The following C2orf76 variants were observed in gnomAD, a reference collection of about 807,000 sequenced individuals.
C2orf76 encodes UPF0538 protein C2orf76.
A neutral mutation model predicts 16.9 loss-of-function variants in C2orf76; 23 were observed. The ratio of observed to expected loss-of-function variants is 1.36; its 90% confidence interval spans 0.98 to 1.93. The LOEUF (loss-of-function observed/expected upper bound fraction) is 1.93, where lower values mean the gene tolerates loss of function less well. Ranked by LOEUF, C2orf76 falls within the 30% of genes most tolerant of loss-of-function variation. The pLI is 0.00. For missense variants in C2orf76, 152 were observed against 152.6 expected, an observed-to-expected ratio of 1.00 and a Z score of 0.02; for synonymous variants, 48 against 52.3, an observed-to-expected ratio of 0.92 and a Z score of 0.35.
At chr2:119,333,672 T>C (rs1679746390) in intron 2 of C2orf76, among the ~76,000 whole-genome samples, 1 of 152,226 alleles carries the variant, frequency 6.6e-6, no homozygotes, top group Non-Finnish European at 1.5e-5. Context: ...ATCACAAAAG[T>C]GGTACATATA....
rs78374691 is a variant in C2orf76 at position 119,329,135 on chromosome 2, T to G, written c.134-7931A>C. 3.9e-5 allele frequency among the ~76,000 whole-genome samples: 6 copies of G among 152,352 alleles called. No individual in the cohort carries two copies. In the East Asian group the frequency reaches 1.2e-3, roughly 29 times the overall value. On this transcript the variant is annotated intron_variant, in intron 2 of 5. Coordinates refer to ENST00000334816, the MANE Select transcript of C2orf76 (RefSeq NM_001322331.2). ...TAGTGTTTTTAAGTTCTCTTGATCC[T>G]TACTGATTTTCTATTTGTTCCATTC... is the stretch of plus-strand genomic sequence containing the variant.
intron 2 of C2orf76, chr2:119,338,729 G>A (rs1679929919): frequency 6.6e-6 from 1 of 152,226 alleles, no homozygotes; most frequent in African/African-American, 2.4e-5. Flanking sequence ...TCAGGCTTTG[G>A]CAGGACAAGA....
intron 4 of C2orf76, 70 bp downstream of exon 4, chr2:119,317,396 T>C: frequency 8.7e-7 from 1 of 1,145,124 alleles, no homozygotes; most frequent in Non-Finnish European, 1.2e-6. Flanking sequence ...ATGTATTCAT[T>C]CACTTATTCA....
intron 1 of C2orf76, among the ~76,000 whole-genome samples, chr2:119,356,181 T>C: frequency 6.6e-6 from 1 of 152,032 alleles, no homozygotes; most frequent in South Asian, 2.1e-4. Flanking sequence ...GGTGGGCAGA[T>C]CACTTGAGGT....
chr2:119,357,404 T>C (rs56386883), intron 1 of C2orf76, among the ~76,000 whole-genome samples: 12,356 of 152,112 alleles, frequency 0.081, 628 homozygotes, highest in African/African-American at 0.13. Flanking sequence ...AGTTTAATAT[T>C]TGAAAAGCAA....
chr2:119,315,537 A>G (rs1181569279), intron 4 of C2orf76, among the ~76,000 whole-genome samples: 1 of 152,208 alleles, frequency 6.6e-6, no homozygotes, highest in Non-Finnish European at 1.5e-5. Flanking sequence ...TGTGAACTGG[A>G]TAAGGCACAA....
At chr2:119,316,673 A>C (rs1334045207) in intron 4 of C2orf76, among the ~76,000 whole-genome samples, 3 of 152,176 alleles carry the variant, frequency 2.0e-5, no homozygotes, top group Admixed American at 6.5e-5. Context: ...TCATTCAAAA[A>C]TTGTTATGGA....
At chr2:119,356,384 G>C (rs375625907) in intron 1 of C2orf76, among the ~76,000 whole-genome samples, 8 of 139,402 alleles carry the variant, frequency 5.7e-5, no homozygotes, top group Non-Finnish European at 6.1e-5. Context: ...GTGACAGAGC[G>C]AGACTCTGTC....
At chr2:119,335,505 A>G (rs1470573499) in intron 2 of C2orf76, among the ~76,000 whole-genome samples, 1 of 152,232 alleles carries the variant, frequency 6.6e-6, no homozygotes, top group Non-Finnish European at 1.5e-5. Flanking sequence ...AGGCAATTGA[A>G]AGAGCTCCCA....
chr2:119,307,090 C>G (rs915834150), intron 5 of C2orf76, among the ~76,000 whole-genome samples: 1 of 151,930 alleles, frequency 6.6e-6, no homozygotes, highest in African/African-American at 2.4e-5. Flanking sequence ...TTCTCTTAAA[C>G]CTCTTAAAAA....
chr2:119,334,565 C>T (rs964605190), intron 2 of C2orf76, among the ~76,000 whole-genome samples: 3 of 151,542 alleles, frequency 2.0e-5, no homozygotes, highest in African/African-American at 7.3e-5. Flanking sequence ...TGGCATGCAT[C>T]AGTAGTCCCA....
chr2:119,362,848 G>A (rs1248529267), intron 1 of C2orf76, among the ~76,000 whole-genome samples: 1 of 152,084 alleles, frequency 6.6e-6, no homozygotes, highest in Non-Finnish European at 1.5e-5. Context: ...AGAAGAAAAT[G>A]GTAAACATGT....
chr2:119,353,924 G>A (rs1680485546), intron 1 of C2orf76, among the ~76,000 whole-genome samples: 1 of 152,112 alleles, frequency 6.6e-6, no homozygotes, highest in Admixed American at 6.6e-5. Flanking sequence ...GGAGAGGCTG[G>A]TTGAAGGTAC....
chr2:119,342,634 A>AG (rs1440518921), intron 1 of C2orf76, among the ~76,000 whole-genome samples: 1 of 152,132 alleles, frequency 6.6e-6, no homozygotes, highest in Non-Finnish European at 1.5e-5. Flanking sequence ...AGAAAAAAAA[A>AG]AAGAAAGGAG....
chr2:119,357,803 G>A lies in C2orf76; in HGVS notation c.-13+8987C>T, dbSNP rs1397865048. Among the ~76,000 whole-genome samples, 4 of 152,056 alleles carry A rather than the reference G, an allele frequency of 2.6e-5. No individual in the cohort carries two copies. The East Asian group carries it at 5.8e-4, about 22-fold the overall frequency. On this transcript the variant is annotated intron_variant, in intron 1 of 5. Transcript: ENST00000334816. ...GGAAGAAATAAAACTGTCCCTATTT[G>A]CAGATAACATGATTATCTACACAGA...
chr2:119,313,722 A>C (rs531089418), intron 4 of C2orf76, among the ~76,000 whole-genome samples: 115 of 152,340 alleles, frequency 7.5e-4, no homozygotes, highest in African/African-American at 2.6e-3. Context: ...AGTTCTCCAG[A>C]GAGGACTGGG....
At chr2:119,359,580 C>A (rs918800539) in intron 1 of C2orf76, among the ~76,000 whole-genome samples, 2 of 152,158 alleles carry the variant, frequency 1.3e-5, no homozygotes, top group African/African-American at 4.8e-5. Flanking sequence ...TTTGGAAGGA[C>A]TCCAACCTTC....
At chr2:119,358,577 C>CAA (rs58374459) in intron 1 of C2orf76, among the ~76,000 whole-genome samples, 59 of 88,272 alleles carry the variant, frequency 6.7e-4, no homozygotes, top group Non-Finnish European at 7.6e-4. Context: ...GACTCTGTCT[C>CAA]AAAAAAAAAA....
At chr2:119,293,701 G>A in the C2orf76 span, among the ~76,000 whole-genome samples, 1 of 152,206 alleles carries the variant, frequency 6.6e-6, no homozygotes, top group Non-Finnish European at 1.5e-5. Context: ...GGTGAGAGGC[G>A]CCTGGGCCCT....
Sources: allele counts gnomAD v4.1 joint callset (sites outside exome capture counted in the v4.1 genomes callset), GRCh38; gene constraint gnomAD v4.1.1; transcripts MANE v1.5; gene names NCBI Gene and HGNC (gene_info 2026-07-23, HGNC 2026-07-21).